ENOX1: variants seen among roughly 807,000 people sequenced by gnomAD.
The protein encoded by ENOX1 is candidate growth-related and time keeping constitutive hydroquinone (NADH) oxidase.
ENOX1 carries 42 observed loss-of-function variants against 82.5 expected under a neutral mutation model. The observed-to-expected ratio is 0.51, with a 90% CI of 0.40 to 0.66. The LOEUF is 0.66. Ranked by LOEUF, ENOX1 falls within the 30% of genes least tolerant of loss-of-function variation. The probability of loss-of-function intolerance (pLI) is 0.00; values close to 1 mark genes in which losing one functional copy is unlikely to be tolerated. For missense variants in ENOX1, 608 were observed against 811.6 expected, an observed-to-expected ratio of 0.75 and a Z score of 3.05; for synonymous variants, 271 against 282.2, an observed-to-expected ratio of 0.96 and a Z score of 0.40.
chr13:43,499,638 A>G (rs995269960), intron 2 of ENOX1, among the ~76,000 whole-genome samples: 2 of 152,012 alleles, frequency 1.3e-5, no homozygotes, highest in African/African-American at 4.8e-5. Context: ...CCAGTCTATA[A>G]AGATGGAGAG....
intron 2 of ENOX1, among the ~76,000 whole-genome samples, chr13:43,503,267 C>G (rs2077043032): frequency 6.6e-6 from 1 of 151,520 alleles, no homozygotes; most frequent in South Asian, 2.1e-4. Flanking sequence ...AGATATCAAA[C>G]AAAAATATTT....
At chr13:43,552,485 G>T (rs2079243584) in intron 2 of ENOX1, among the ~76,000 whole-genome samples, 1 of 151,884 alleles carries the variant, frequency 6.6e-6, no homozygotes, top group Non-Finnish European at 1.5e-5. Flanking sequence ...AAGAAACCTT[G>T]CTGGTTAAAT....
intron 2 of ENOX1, among the ~76,000 whole-genome samples, chr13:43,624,681 T>G (rs1287279550): frequency 6.6e-6 from 1 of 151,098 alleles, no homozygotes; most frequent in Non-Finnish European, 1.5e-5. Context: ...TGCACCTCTG[T>G]CAAAAATCAT....
intron 16 of ENOX1, among the ~76,000 whole-genome samples, chr13:43,217,747 G>A (rs577416478): frequency 2.6e-5 from 4 of 152,216 alleles, no homozygotes; most frequent in Non-Finnish European, 5.9e-5. Flanking sequence ...CCAAGACAAG[G>A]GAATTGGAAA....
intron 2 of ENOX1, among the ~76,000 whole-genome samples, chr13:43,508,266 A>G (rs1037020828): frequency 3.9e-5 from 6 of 151,922 alleles, no homozygotes; most frequent in African/African-American, 9.7e-5. Flanking sequence ...CTGCTATGTG[A>G]GGATATGGCA....
intron 1 of ENOX1, among the ~76,000 whole-genome samples, chr13:43,692,560 T>C (rs992661047): frequency 6.6e-6 from 1 of 152,152 alleles, no homozygotes; most frequent in Admixed American, 6.5e-5. Flanking sequence ...ATAAACTGAT[T>C]TATATGTAGA....
intron 2 of ENOX1, among the ~76,000 whole-genome samples, chr13:43,587,879 T>C (rs759321977): frequency 6.6e-6 from 1 of 152,094 alleles, no homozygotes; most frequent in Non-Finnish European, 1.5e-5. Flanking sequence ...AACAATGATT[T>C]AGATAAACCA....
intron 1 of ENOX1, among the ~76,000 whole-genome samples, chr13:43,754,910 C>T (rs1246510312): frequency 6.6e-6 from 1 of 152,052 alleles, no homozygotes; most frequent in Admixed American, 6.6e-5. Flanking sequence ...TAATGTATGC[C>T]TGTATAACTA....
chr13:43,667,619 TAA>T (rs1436159853), intron 1 of ENOX1, 75 bp from the exon 2 acceptor site: 1 of 423,716 alleles, frequency 2.4e-6, no homozygotes, highest in Non-Finnish European at 3.2e-6. Context: ...CATATATATG[TAA>T]GCAGATGCAA....
chr13:43,364,540 C>T (rs181655605), intron 5 of ENOX1, among the ~76,000 whole-genome samples: 2 of 151,150 alleles, frequency 1.3e-5, no homozygotes, highest in East Asian at 1.9e-4. Flanking sequence ...CCCAGTTGGA[C>T]GAGATGAAAA....
At chr13:43,331,807 G>C (rs889452672) in intron 9 of ENOX1, among the ~76,000 whole-genome samples, 1 of 152,134 alleles carries the variant, frequency 6.6e-6, no homozygotes, top group Admixed American at 6.5e-5. Flanking sequence ...GTATGTGTCG[G>C]ACAGCACATA....
chr13:43,706,248 T>C (rs1322872111), intron 1 of ENOX1, among the ~76,000 whole-genome samples: 1 of 151,476 alleles, frequency 6.6e-6, no homozygotes, highest in African/African-American at 2.4e-5. Context: ...ACAGATAGAA[T>C]AAATTAATAC....
At chr13:43,397,703 T>A (rs1439222706) in intron 5 of ENOX1, among the ~76,000 whole-genome samples, 3 of 152,244 alleles carry the variant, frequency 2.0e-5, no homozygotes, top group Non-Finnish European at 4.4e-5. Flanking sequence ...GATAGCAAGA[T>A]AATGTCCCTG....
chr13:43,733,819 A>G (rs2089470601), intron 1 of ENOX1, among the ~76,000 whole-genome samples: 1 of 152,176 alleles, frequency 6.6e-6, no homozygotes, highest in South Asian at 2.1e-4. Flanking sequence ...TCAAGTTAAG[A>G]TAAGGTCCTT....
chr13:43,530,017 T>C (rs186376678), intron 2 of ENOX1, among the ~76,000 whole-genome samples: 2 of 152,256 alleles, frequency 1.3e-5, no homozygotes, highest in Non-Finnish European at 2.9e-5. Context: ...AATCAGTGAC[T>C]AAAGTCAGAT....
chr13:43,689,273 G>T (rs896999120), intron 1 of ENOX1, among the ~76,000 whole-genome samples: 5 of 152,154 alleles, frequency 3.3e-5, no homozygotes, highest in Admixed American at 6.6e-5. Context: ...ATGAATAAAA[G>T]TGATTCAGGC....
chr13:43,466,836 T>A (rs960108420), intron 3 of ENOX1, among the ~76,000 whole-genome samples: 2 of 152,178 alleles, frequency 1.3e-5, no homozygotes, highest in African/African-American at 4.8e-5. Flanking sequence ...ACTACTCAAC[T>A]TTCTGTCCCT....
chr13:43,462,186 G>A (rs935440171), intron 3 of ENOX1, among the ~76,000 whole-genome samples: 1 of 152,120 alleles, frequency 6.6e-6, no homozygotes, highest in Non-Finnish European at 1.5e-5. Flanking sequence ...AAAAGTACAT[G>A]TTACTTTATA....
chr13:43,365,725 C>A (rs2050806085), intron 5 of ENOX1, among the ~76,000 whole-genome samples: 1 of 152,154 alleles, frequency 6.6e-6, no homozygotes, highest in African/African-American at 2.4e-5. Context: ...AGGAGATAGA[C>A]CCCTCAGTTA....
Sources: allele counts gnomAD v4.1 joint callset (sites outside exome capture counted in the v4.1 genomes callset), GRCh38; gene constraint gnomAD v4.1.1; transcripts MANE v1.5; gene names NCBI Gene and HGNC (gene_info 2026-07-23, HGNC 2026-07-21).